TNXB: variants seen among roughly 807,000 people sequenced by gnomAD.
The protein encoded by TNXB is tenascin-X.
Under a neutral mutation model 340.5 loss-of-function variants are expected in TNXB, and 183 were observed. The ratio of observed to expected loss-of-function variants is 0.54; its 90% CI spans 0.48 to 0.61. The LOEUF (loss-of-function observed/expected upper bound fraction) is 0.61, where lower values mean the gene tolerates loss of function less well. TNXB is among the 20% of genes least tolerant of loss of function. TNXB has a pLI of 0.00. For missense variants in TNXB, 4,613 were observed against 5,446.4 expected, an observed-to-expected ratio of 0.85 and a Z score of 4.82; for synonymous variants, 2,121 against 2,314.5, an observed-to-expected ratio of 0.92 and a Z score of 2.40.
rs1776850491 is a variant in TNXB at position 32,046,116 on chromosome 6, C to G, written c.10606+59G>C. 4.5e-6 allele frequency: 7 copies of G among 1,543,028 alleles called. No homozygotes were observed. The South Asian group carries it at 7.4e-5, about 16-fold the overall frequency. Reference sequence around the variant, plus strand: ...CCTGCAGTCATCTTTGTCTTCAGCCCAAATGCACAAGGAAACCCACACAAG... The same window carrying G: ...CCTGCAGTCATCTTTGTCTTCAGCCGAAATGCACAAGGAAACCCACACAAG... On this transcript the variant is annotated intron_variant, in intron 31 of 43. Coordinates refer to ENST00000644971, the MANE Select transcript of TNXB (RefSeq NM_001365276.2). The surrounding 1 kb of genome is among the most constrained non-coding windows in gnomAD (Gnocchi z 6.9).
Position 32,047,588 on chromosome 6 carries a change from C to T in TNXB, c.10324+146G>A, listed in dbSNP as rs1336999855. 1.1e-6 allele frequency: 1 copy of T among 910,190 alleles called. No individual in the cohort carries two copies. Among genetic ancestry groups the T allele is most frequent in the African/African-American group, 1.7e-5 (1 of 60,042 alleles). The allele number at this position is 910,190 out of a possible 1,614,324, so 56.4% of individuals were successfully genotyped here. On this transcript the variant is annotated intron_variant, in intron 30 of 43. Transcript: ENST00000644971. This position sits in a 1 kb window ranked among gnomAD's most constrained non-coding sequence, Gnocchi z 6.2. ...TAATGCATATGCTTCAGAACTGTGC[C>T]TGACACACAGAGGGACTCACTTTCG... is the stretch of plus-strand genomic sequence containing the variant.
Position 32,062,190 on chromosome 6 carries a change from G to A in TNXB, c.7135C>T (p.Arg2379Cys), listed in dbSNP as rs1466093434. ...CCGATGGCAGACACGGGGCCCACAC[G>A]CTGGCCACCGTGGAAGCCGTACAGG... ...MNLYGFHGGQRVGPVSAIGVT... is the reference protein window; with the variant it reads ...MNLYGFHGGQCVGPVSAIGVT... Residue 2379 changes from arginine (R) to cysteine (C), a missense_variant, in exon 20 of 44, where the codon CGT (arginine) becomes TGT (cysteine). Around this residue, in one of 7 missense-constraint regions of TNXB, gnomAD observed 4,327 missense variants for 4,859.4 expected, o/e 0.89. Transcript: ENST00000644971. The surrounding 1 kb of genome is among the most constrained non-coding windows in gnomAD (Gnocchi z 4.3). 5 of 1,611,928 alleles carry A rather than the reference G, an allele frequency of 3.1e-6. No individual in the cohort carries two copies. Among genetic ancestry groups the A allele is most frequent in the Middle Eastern group, 1.6e-4 (1 of 6,072 alleles).
rs1395595609 is a variant in TNXB, at chr6:32,072,566, C to A, written c.4682-268G>T. Among the ~76,000 whole-genome samples, 1 of 152,200 alleles carries A rather than the reference C, an allele frequency of 6.6e-6. No homozygotes were observed. Among genetic ancestry groups the A allele is most frequent in the Non-Finnish European group, 1.5e-5 (1 of 68,046 alleles). The stretch of plus-strand genomic sequence containing the variant: ...AGAAACTTTAAAATACCTTTTATAT[C>A]CATCACTGCTTCTAAATTTTGTAGT... On this transcript the variant is annotated intron_variant, in intron 12 of 43. Coordinates refer to ENST00000644971, the MANE Select transcript of TNXB (RefSeq NM_001365276.2). The surrounding 1 kb of genome is among the most constrained non-coding windows in gnomAD (Gnocchi z 4.4).
rs1259179231 is a variant in TNXB at position 32,062,489 on chromosome 6, T to C, written c.6842-6A>G. On this transcript the variant is annotated splice_region_variant and splice_polypyrimidine_tract_variant and intron_variant, in intron 19 of 43. Transcript: ENST00000644971. The surrounding 1 kb of genome is among the most constrained non-coding windows in gnomAD (Gnocchi z 4.3). ...TTCTTCATCCTTTCCTGGGGCTGCA[T>C]CAGAAAATAGAATGGGTGGGCATGC... 6.3e-7 allele frequency: 1 copy of C among 1,593,842 alleles called. No individual in the cohort carries two copies. Among genetic ancestry groups the C allele is most frequent in the Non-Finnish European group, 8.6e-7 (1 of 1,168,084 alleles).
chr6:32,088,070 G>T (rs964200468), intron 6 of TNXB, among the ~76,000 whole-genome samples: 2 of 152,120 alleles, frequency 1.3e-5, no homozygotes, highest in Non-Finnish European at 2.9e-5. Context: ...CCCCTCCCTC[G>T]ATCCCTCCCA....
intron 23 of TNXB, 105 bp from the exon 24 acceptor site, chr6:32,056,279 A>T (rs1777637181): frequency 1.5e-6 from 2 of 1,378,040 alleles, no homozygotes; most frequent in Non-Finnish European, 2.0e-6. Context: ...ATGTGAGGTC[A>T]TTTCAGAAAA....
Position 32,064,793 on chromosome 6 carries a change from AG to A in TNXB, c.6841+27del. 6.3e-7 allele frequency: 1 copy of A among 1,599,944 alleles called. No individual in the cohort carries two copies. The highest frequency in any genetic ancestry group is 8.5e-7 in the Non-Finnish European group (1 of 1,173,120). ...AGGGAAACTGAGTCTAGTTCAGGGC[AG>A]GGCCCAGTGCCCTACTGCACACTCA... On this transcript the variant is annotated intron_variant, in intron 19 of 43. Transcript: ENST00000644971. This position sits in a 1 kb window ranked among gnomAD's most constrained non-coding sequence, Gnocchi z 5.3.
rs760906844 is a variant in TNXB, at chr6:32,056,017, G to A, written c.8301C>T (p.Thr2767=). The A allele has an allele frequency of 4.6e-5, 74 of 1,613,026 alleles. No homozygotes were observed. Among genetic ancestry groups the A allele is most frequent in the Admixed American group, 5.0e-5 (3 of 60,010 alleles). The change falls in exon 24 of 44, where the codon ACC becomes ACT. Residue 2767 remains threonine (T), a synonymous_variant. Transcript: ENST00000644971. ...GCCCGTCCCTGTCCTTGTACTGCACGGTGAAGGAGTCGAAGTGGCCCTGGG... is the reference window on the plus strand; with the variant it reads ...GCCCGTCCCTGTCCTTGTACTGCACAGTGAAGGAGTCGAAGTGGCCCTGGG... ...TIPQGHFDSF[T]VQYKDRDGRP... is the part of the protein sequence containing the mutation.
Position 32,068,088 on chromosome 6 carries a change from G to A in TNXB, c.6221-104C>T. The A allele has an allele frequency of 6.9e-7, 1 of 1,453,222 alleles. No homozygotes were observed. The highest frequency in any genetic ancestry group is 9.2e-7 in the Non-Finnish European group (1 of 1,087,612). The allele number at this position is 1,453,222 out of a possible 1,614,324, so 90.0% of individuals were successfully genotyped here. Reference sequence around the variant, plus strand: ...GGGGACCCGAGGTCAGTTCAGAGAGGCCTACTCTTGGGGCTGGGTGGTCCT... The same window carrying A: ...GGGGACCCGAGGTCAGTTCAGAGAGACCTACTCTTGGGGCTGGGTGGTCCT... On this transcript the variant is annotated intron_variant, in intron 17 of 43. Coordinates refer to ENST00000644971, the MANE Select transcript of TNXB (RefSeq NM_001365276.2). The surrounding 1 kb of genome is among the most constrained non-coding windows in gnomAD (Gnocchi z 5.3).
In TNXB at chr6:32,088,852, A is replaced by G. The variant is rs930841494; in HGVS notation, c.2712T>C (p.Tyr904=). 2.3e-5 allele frequency: 37 copies of G among 1,583,748 alleles called. No homozygotes were observed. Among genetic ancestry groups the G allele is most frequent in the Non-Finnish European group, 3.2e-5 (37 of 1,165,360 alleles). ...CCCGCTCCGCTGTGACAGTCACCAC[A>G]TATTCTACGCCTGGCATCAGGTCAG... ...LLTDLMPGVE[Y]VVTVTAERGR... Residue 904 remains tyrosine, a synonymous_variant, in exon 6 of 44, where the codon TAT becomes TAC. Coordinates refer to ENST00000644971, the MANE Select transcript of TNXB (RefSeq NM_001365276.2).
At chr6:32,059,468 C>A (rs1777882130) in intron 21 of TNXB, among the ~76,000 whole-genome samples, 2 of 62,872 alleles carry the variant, frequency 3.2e-5, no homozygotes, top group African/African-American at 6.3e-5. Context: ...TGGGCTACAA[C>A]AATTAATAAT....
chr6:32,082,107 T>A lies in TNXB; in HGVS notation c.3665A>T (p.Lys1222Met), dbSNP rs199977034. 16 of 1,611,092 alleles carry A rather than the reference T, an allele frequency of 9.9e-6. No homozygotes were observed. The highest frequency in any genetic ancestry group is 2.7e-5 in the African/African-American group (2 of 74,860). The change falls in exon 9 of 44, where the codon AAG becomes ATG. Residue 1222 changes from lysine (K) to methionine (M), a missense_variant. By Grantham distance (95) the Lys-to-Met change is moderately conservative. Around this residue, in one of 7 missense-constraint regions of TNXB, gnomAD observed 4,327 missense variants for 4,859.4 expected, o/e 0.89. Transcript: ENST00000644971. This position sits in a 1 kb window ranked among gnomAD's most constrained non-coding sequence, Gnocchi z 5.0. The part of the protein sequence containing the change: ...FVVSSLDPDH[K>M]YRFTLFGIAN... The stretch of plus-strand genomic sequence containing the variant: ...AATTCCAAACAGAGTGAATCTGTAC[T>A]TGTGGTCAGGGTCCAGTGAGGAGAC...
In TNXB at chr6:32,064,124, C is replaced by T. The variant is rs1488936899; in HGVS notation, c.6841+697G>A. Among the ~76,000 whole-genome samples, 3 of 152,200 alleles carry T rather than the reference C, an allele frequency of 2.0e-5. No individual in the cohort carries two copies. Among genetic ancestry groups the T allele is most frequent in the Non-Finnish European group, 1.5e-5 (1 of 68,038 alleles). ...TTGTGTGTGAGAGCCAAGCCACACT[C>T]CCGCCCACCCTTCACGACAGGTATG... On this transcript the variant is annotated intron_variant, in intron 19 of 43. Transcript: ENST00000644971. The surrounding 1 kb of genome is among the most constrained non-coding windows in gnomAD (Gnocchi z 5.3).
chr6:32,053,733 G>C (rs757546969), intron 24 of TNXB, 22 bp from the exon 25 acceptor site: 588 of 1,603,048 alleles, frequency 3.7e-4, no homozygotes, highest in Non-Finnish European at 3.4e-4. Flanking sequence ...CGTGTGGGGA[G>C]AGTGAGGTCC....
chr6:32,086,253 A>C, intron 6 of TNXB, 135 bp from the exon 7 acceptor site: 1 of 1,070,712 alleles, frequency 9.3e-7, no homozygotes, highest in Non-Finnish European at 1.3e-6. Context: ...CACCTGGGCC[A>C]CTCCCTCCTC....
rs1414190592 is a variant in TNXB, at chr6:32,096,756, T to C, written c.1097A>G (p.Glu366Gly). Reference protein sequence around the residue: ...RCVCWPGYTGEDCSTRTCPRD... With the variant: ...RCVCWPGYTGGDCSTRTCPRD... ...CGGACATGTCCGCGTGCTGCAGTCC[T>C]CGCCTGTGTACCCGGGCCAGCACAC... Residue 366 changes from glutamate (E) to glycine (G), a missense_variant, in exon 3 of 44, where the codon GAG (glutamate) becomes GGG (glycine). This residue lies in a region of TNXB where 4,327 missense variants were observed against 4,859.4 expected (regional missense o/e 0.89). Transcript: ENST00000644971. 6.4e-7 allele frequency: 1 copy of C among 1,551,334 alleles called. No homozygotes were observed. Among genetic ancestry groups the C allele is most frequent in the South Asian group, 1.2e-5 (1 of 84,392 alleles).
chr6:32,056,090 G>T lies in TNXB; in HGVS notation c.8228C>A (p.Thr2743Lys). ...CGAGTCAGGGGAGGATCCTGTCACTGTCAGCTCCCCCAGGAGCGGCTCCTC... is the reference window on the plus strand; with the variant it reads ...CGAGTCAGGGGAGGATCCTGTCACTTTCAGCTCCCCCAGGAGCGGCTCCTC... ...PPEEPLLGEL[T>K]VTGSSPDSLS... is the part of the protein sequence containing the mutation. Residue 2743 changes from threonine to lysine, a missense_variant, in exon 24 of 44, where the codon ACA becomes AAA. Transcript: ENST00000644971. The T allele has an allele frequency of 6.2e-7, 1 of 1,612,730 alleles. No individual in the cohort carries two copies. Among genetic ancestry groups the T allele is most frequent in the Non-Finnish European group, 8.5e-7 (1 of 1,179,828 alleles).
chr6:32,055,490 C>T (rs539855099), intron 24 of TNXB, among the ~76,000 whole-genome samples: 1 of 152,278 alleles, frequency 6.6e-6, no homozygotes, highest in Admixed American at 6.5e-5. Context: ...CCCTCACTGC[C>T]TTCTGTCTTC....
chr6:32,046,070 C>T lies in TNXB; in HGVS notation c.10606+105G>A. 1 of 1,485,490 alleles carries T rather than the reference C, an allele frequency of 6.7e-7. No homozygotes were observed. Among genetic ancestry groups the T allele is most frequent in the Admixed American group, 2.1e-5 (1 of 47,194 alleles). 92.0% of individuals were successfully genotyped at this position (1,485,490 alleles called of 1,614,324 possible). ...TCCTTCCTGGGGACAGGCCAGGGCG[C>T]CCCACTCCGGCCTGCCCACTCCTGC... On this transcript the variant is annotated intron_variant, in intron 31 of 43. Coordinates refer to ENST00000644971, the MANE Select transcript of TNXB (RefSeq NM_001365276.2). The surrounding 1 kb of genome is among the most constrained non-coding windows in gnomAD (Gnocchi z 6.9).
Sources: allele counts gnomAD v4.1 joint callset (sites outside exome capture counted in the v4.1 genomes callset), GRCh38; gene constraint gnomAD v4.1.1; regional missense constraint gnomAD v4.1.1; non-coding constraint Gnocchi (gnomAD v3.1); transcripts MANE v1.5; gene names NCBI Gene and HGNC (gene_info 2026-07-23, HGNC 2026-07-21).